Variants in FBN1 observed in about 807,000 individuals in gnomAD.
The protein encoded by FBN1 is fibrillin-1.
FBN1 carries 29 observed loss-of-function variants against 365.1 expected under a neutral mutation model. That is an observed-to-expected ratio of 0.08 (90% CI 0.06 to 0.11). The LOEUF (loss-of-function observed/expected upper bound fraction) is 0.11. Ranked by LOEUF, FBN1 falls within the 10% of genes least tolerant of loss-of-function variation. The pLI is 1.00. For synonymous variants in FBN1, 1,210 were observed against 1,270.5 expected, an observed-to-expected ratio of 0.95 and a Z score of 1.01; for missense variants, 2,476 against 3,703.2, an observed-to-expected ratio of 0.67 and a Z score of 8.60.
intron 4 of FBN1, among the ~76,000 whole-genome samples, chr15:48,607,332 ATAAT>A (rs1261325079): frequency 1.4e-5 from 2 of 145,542 alleles, no homozygotes; most frequent in African/African-American, 2.5e-5. Flanking sequence ...AATTATATAT[ATAAT>A]TAGACAATTA....
rs921321822 is a variant in FBN1 at position 48,444,577 on chromosome 15, G to A, written c.6001C>T (p.Pro2001Ser). 12 of 1,613,462 alleles carry A rather than the reference G, an allele frequency of 7.4e-6. No individual in the cohort carries two copies. Among genetic ancestry groups the A allele is most frequent in the Non-Finnish European group, 1.0e-5 (12 of 1,179,696 alleles). The change falls in exon 49 of 66, where the codon CCA becomes TCA. Residue 2001 changes from proline to serine, a missense_variant. Pro to Ser is a moderately conservative substitution (Grantham distance 74). This residue lies in a region of FBN1 where 1,780 missense variants were observed against 2,840.8 expected (regional missense o/e 0.63). Transcript: ENST00000316623. ...TCATTTTGAAGACTGTATCCAGGTG[G>A]GCAAATGCATCTGTAGGACCCATCC... is the stretch of plus-strand genomic sequence containing the variant. ...NLDGSYRCICPPGYSLQNEKC... is the reference protein window; with the variant it reads ...NLDGSYRCICSPGYSLQNEKC...
chr15:48,435,946 G>T (rs2043069160), intron 53 of FBN1, among the ~76,000 whole-genome samples: 1 of 152,030 alleles, frequency 6.6e-6, no homozygotes, highest in Non-Finnish European at 1.5e-5. Context: ...CTAAGGCACA[G>T]AAGAGTAATG....
chr15:48,441,862 G>A lies in FBN1; in HGVS notation c.6038-16C>T, dbSNP rs1264019912. On this transcript the variant is annotated splice_polypyrimidine_tract_variant and intron_variant, in intron 49 of 65. Transcript: ENST00000316623. ...TCATCAATATCTAAAAGAATCACAT[G>A]AGTCAAACAAAGTCAAAACACGATG... 4 of 1,612,244 alleles carry A rather than the reference G, an allele frequency of 2.5e-6. No homozygotes were observed. In the Admixed American group the frequency reaches 5.0e-5, roughly 20 times the overall value.
chr15:48,456,205 G>A (rs1447688993), intron 44 of FBN1, among the ~76,000 whole-genome samples: 1 of 152,214 alleles, frequency 6.6e-6, no homozygotes, highest in East Asian at 1.9e-4. Flanking sequence ...ATTCTCTCAT[G>A]CATTTGGAAT....
At chr15:48,493,401 T>C (rs909498348) in intron 23 of FBN1, among the ~76,000 whole-genome samples, 10 of 152,152 alleles carry the variant, frequency 6.6e-5, no homozygotes, top group Non-Finnish European at 1.2e-4. Context: ...ACAACAGGAA[T>C]GTTGAAAAAA....
At chr15:48,619,256 A>G (rs1889720365) in intron 2 of FBN1, among the ~76,000 whole-genome samples, 1 of 152,024 alleles carries the variant, frequency 6.6e-6, no homozygotes, top group Non-Finnish European at 1.5e-5. Context: ...AAGCCAGCCA[A>G]CCACTCTAAC....
At chr15:48,642,540 T>C (rs1448621294) in intron 2 of FBN1, 1 of 152,230 alleles carries the variant, frequency 6.6e-6, no homozygotes, top group Non-Finnish European at 1.5e-5. Context: ...TATATATTTG[T>C]GTTTATTTGT....
intron 6 of FBN1, among the ~76,000 whole-genome samples, chr15:48,589,402 C>G (rs927867866): frequency 6.6e-6 from 1 of 152,088 alleles, no homozygotes; most frequent in African/African-American, 2.4e-5. Flanking sequence ...GCCTGCGAGA[C>G]AGAGGAGCAT....
At chr15:48,542,833 T>TGTGTA (rs1566923409) in intron 6 of FBN1, among the ~76,000 whole-genome samples, 110 of 108,024 alleles carry the variant, frequency 1.0e-3, no homozygotes, top group African/African-American at 4.6e-3. Context: ...GTGTGTGTAT[T>TGTGTA]TTTTTTCCTT....
At position 48,458,205 on chromosome 15, in the gene FBN1, G is replaced by C. The variant is rs148670996; in HGVS notation, c.5297-1443C>G. ...ACATACTTTGCTTGCATACTTGTGA[G>C]AAGATGATCACGGACTGAAGTGGAG... On this transcript the variant is annotated intron_variant, in intron 43 of 65. Transcript: ENST00000316623. Among the ~76,000 whole-genome samples, 643 of 152,336 alleles carry C rather than the reference G, an allele frequency of 4.2e-3. 5 individuals carry two copies. The highest frequency in any genetic ancestry group is 6.8e-3 in the Middle Eastern group (2 of 294).
At chr15:48,571,073 G>A (rs899380287) in intron 6 of FBN1, among the ~76,000 whole-genome samples, 3 of 152,216 alleles carry the variant, frequency 2.0e-5, no homozygotes, top group African/African-American at 7.2e-5. Context: ...CAAGGGCAAT[G>A]CACGTTCAGG....
intron 6 of FBN1, among the ~76,000 whole-genome samples, chr15:48,555,809 A>G (rs901467431): frequency 3.3e-5 from 5 of 152,226 alleles, no homozygotes; most frequent in African/African-American, 9.6e-5. Flanking sequence ...GCTCATGTGA[A>G]GTTAATTAGA....
chr15:48,634,260 C>A (rs1890048363), intron 2 of FBN1, among the ~76,000 whole-genome samples: 1 of 152,184 alleles, frequency 6.6e-6, no homozygotes. Context: ...CAGGTGCATA[C>A]CAGACAATGG....
chr15:48,465,947 G>GA (rs1364975820), intron 38 of FBN1, 89 bp from the exon 39 acceptor site: 2 of 890,580 alleles, frequency 2.2e-6, no homozygotes, highest in African/African-American at 3.3e-5. Flanking sequence ...ATATCCAACT[G>GA]AAAATGTTCA....
rs1597526921 is a variant in FBN1 at position 48,438,001 on chromosome 15, T to C, written c.6164-84A>G. 4 of 1,359,922 alleles carry C rather than the reference T, an allele frequency of 2.9e-6. No individual in the cohort carries two copies. In the East Asian group the frequency reaches 9.2e-5, roughly 31 times the overall value. 84.2% of individuals were successfully genotyped at this position (1,359,922 alleles called of 1,614,324 possible). A position where few individuals can be genotyped will look rare whatever the true frequency, so the allele number is the denominator to read the frequency against. On this transcript the variant is annotated intron_variant, in intron 50 of 65. Transcript: ENST00000316623. Reference sequence around the variant, plus strand: ...ATAGCAAATAAAGAACAACCCACTATGTTATATATGTTCTCCTCTCAGGAC... The same window carrying C: ...ATAGCAAATAAAGAACAACCCACTACGTTATATATGTTCTCCTCTCAGGAC...
intron 6 of FBN1, among the ~76,000 whole-genome samples, chr15:48,552,128 A>G (rs1363891977): frequency 5.3e-5 from 8 of 152,194 alleles, no homozygotes; most frequent in Admixed American, 6.5e-5. Context: ...ACAACAGTGT[A>G]TAAGTGTTCC....
chr15:48,426,748 T>A (rs903601434), intron 58 of FBN1, among the ~76,000 whole-genome samples: 9 of 152,182 alleles, frequency 5.9e-5, no homozygotes, highest in African/African-American at 2.2e-4. Flanking sequence ...GAAGTGAGTT[T>A]TTTCGGCTAT....
chr15:48,621,246 A>G (rs1244314002), intron 2 of FBN1, among the ~76,000 whole-genome samples: 2 of 152,186 alleles, frequency 1.3e-5, no homozygotes, highest in Non-Finnish European at 2.9e-5. Flanking sequence ...ACACATACTG[A>G]CTGTCTTCCA....
rs751560904 is a variant in FBN1 at position 48,436,984 on chromosome 15, A to C, written c.6473T>G (p.Ile2158Ser). The C allele has an allele frequency of 5.0e-6, 8 of 1,607,926 alleles. No individual in the cohort carries two copies. In the Middle Eastern group the frequency reaches 4.9e-4, roughly 99 times the overall value. Residue 2158 changes from isoleucine (I) to serine (S), a missense_variant, in exon 53 of 66, where the codon ATT (isoleucine) becomes AGT (serine). By Grantham distance (142) the Ile-to-Ser change is moderately radical. This residue lies in a region of FBN1 where 1,780 missense variants were observed against 2,840.8 expected (regional missense o/e 0.63). Coordinates refer to ENST00000316623, the MANE Select transcript of FBN1 (RefSeq NM_000138.5). ...SYRCECPFGY[I>S]LAGNECVDTD... ...ACCTACACATTCATTCCCTGCTAGAATATAACCAAAGGGACACTCGCAGCG... is the reference window on the plus strand; with the variant it reads ...ACCTACACATTCATTCCCTGCTAGACTATAACCAAAGGGACACTCGCAGCG...
Sources: allele counts gnomAD v4.1 joint callset (sites outside exome capture counted in the v4.1 genomes callset), GRCh38; gene constraint gnomAD v4.1.1; regional missense constraint gnomAD v4.1.1; transcripts MANE v1.5; gene names NCBI Gene and HGNC (gene_info 2026-07-23, HGNC 2026-07-21).